PLXNA1: variants seen among roughly 807,000 people sequenced by gnomAD.
PLXNA1 encodes the protein plexin A1.
PLXNA1 carries 77 observed loss-of-function variants against 191.7 expected under a neutral mutation model. The ratio of observed to expected loss-of-function variants is 0.40; its 90% CI spans 0.33 to 0.49. PLXNA1 has a LOEUF of 0.49. Ranked by LOEUF, PLXNA1 falls within the 20% of genes least tolerant of loss-of-function variation. The pLI, the probability that PLXNA1 is intolerant of heterozygous loss-of-function variation, is 0.63. For synonymous variants in PLXNA1, 1,137 were observed against 1,156.4 expected (o/e 0.98, Z 0.34); for missense variants, 2,110 against 2,660.2 (o/e 0.79, Z 4.55).
At chr3:127,009,582 C>T (rs1390481301) in intron 9 of PLXNA1, among the ~76,000 whole-genome samples, 1 of 147,020 alleles carries the variant, frequency 6.8e-6, no homozygotes, top group Middle Eastern at 3.2e-3. Flanking sequence ...GCCCTCTTTC[C>T]GTCTCTGTTT....
In PLXNA1 at chr3:127,021,988, C is replaced by T. The variant is rs540663919; in HGVS notation, c.4039-97C>T. The T allele has an allele frequency of 2.2e-5, 33 of 1,514,184 alleles. 1 individual carries two copies. In the South Asian group the frequency reaches 3.9e-4, roughly 18 times the overall value. 93.8% of individuals were successfully genotyped at this position (1,514,184 alleles called of 1,614,324 possible). A position where few individuals can be genotyped will look rare whatever the true frequency, so the allele number is the denominator to read the frequency against. ...TCCAGGCCTGTCCTCTGATGGGGCCCTGCCTCACCAGCCAGGCCTGGACAG... is the reference window on the plus strand; with the variant it reads ...TCCAGGCCTGTCCTCTGATGGGGCCTTGCCTCACCAGCCAGGCCTGGACAG... On this transcript the variant is annotated intron_variant, in intron 21 of 31. Transcript: ENST00000393409.
chr3:127,033,108 G>C (rs79108849), intron 31 of PLXNA1, among the ~76,000 whole-genome samples: 6,040 of 152,306 alleles, frequency 0.04, 210 homozygotes, highest in African/African-American at 0.09. Context: ...TGAGGCAGAG[G>C]GTGTGTGGGT....
intron 29 of PLXNA1, 112 bp downstream of exon 29, chr3:127,030,524 G>A (rs1576692928): frequency 1.5e-6 from 2 of 1,330,864 alleles, no homozygotes; most frequent in Non-Finnish European, 2.1e-6. Flanking sequence ...CCTGGCGTGG[G>A]GACACAACCC....
Position 127,032,780 on chromosome 3 carries a change from A to G in PLXNA1, c.5539A>G (p.Asn1847Asp). The change falls in exon 31 of 32, where the codon AAC becomes GAC. Residue 1847 changes from asparagine to aspartate, a missense_variant. Asn to Asp is a conservative substitution (Grantham distance 23). This residue lies in a region of PLXNA1 where 559 missense variants were observed against 911.5 expected (regional missense o/e 0.61). Transcript: ENST00000393409. The part of the protein sequence containing the change: ...EQSRLHLSQF[N>D]SMSALHEIYS... ...GTCCCGCCTGCACCTGAGCCAGTTC[A>G]ACAGCATGAGCGCCTTGCACGAGAT... is the stretch of plus-strand genomic sequence containing the variant. 1 of 1,607,508 alleles carries G rather than the reference A, an allele frequency of 6.2e-7. No homozygotes were observed. The highest frequency in any genetic ancestry group is 8.5e-7 in the Non-Finnish European group (1 of 1,177,450).
At chr3:127,022,430 G>C (rs2079156564) in intron 22 of PLXNA1, 89 bp downstream of exon 22, 4 of 1,503,752 alleles carry the variant, frequency 2.7e-6, no homozygotes, top group Non-Finnish European at 3.6e-6. Context: ...AGACGTTGCT[G>C]TGGCAGTTCC....
chr3:126,989,242 G>C lies in PLXNA1; in HGVS notation c.649G>C (p.Gly217Arg). Reference protein sequence around the residue: ...MANEEDADMFGFVYQDEFVSS... With the variant: ...MANEEDADMFRFVYQDEFVSS... ...CAACGAGGAGGATGCCGACATGTTC[G>C]GCTTCGTGTACCAGGATGAGTTTGT... is the stretch of plus-strand genomic sequence containing the variant. The change falls in exon 2 of 32, where the codon GGC (glycine) becomes CGC (arginine). Residue 217 changes from glycine (G) to arginine (R), a missense_variant. By Grantham distance (125) the Gly-to-Arg change is moderately radical. Coordinates refer to ENST00000393409, the MANE Select transcript of PLXNA1 (RefSeq NM_032242.4). 1 of 1,613,662 alleles carries C rather than the reference G, an allele frequency of 6.2e-7. No individual in the cohort carries two copies. Among genetic ancestry groups the C allele is most frequent in the Non-Finnish European group, 8.5e-7 (1 of 1,180,042 alleles).
In PLXNA1 at chr3:127,034,003, G is replaced by C; in HGVS notation, c.5677G>C (p.Ala1893Pro). Residue 1893 changes from alanine to proline, a missense_variant, in exon 32 of 32, where the codon GCC becomes CCC. Transcript: ENST00000393409. ...GCTGGAGCAGGTGGTGGACACGATGGCCCTGAGCAGCTGAGCCCCAGCTGT... is the reference window on the plus strand; with the variant it reads ...GCTGGAGCAGGTGGTGGACACGATGCCCCTGAGCAGCTGAGCCCCAGCTGT... ...SKLEQVVDTMALSS is the reference protein window; with the variant it reads ...SKLEQVVDTMPLSS 6.2e-7 allele frequency: 1 copy of C among 1,601,204 alleles called. No homozygotes were observed. The highest frequency in any genetic ancestry group is 2.3e-5 in the East Asian group (1 of 44,396).
chr3:127,004,787 G>T, intron 5 of PLXNA1, 76 bp downstream of exon 5: 1 of 1,593,984 alleles, frequency 6.3e-7, no homozygotes, highest in Non-Finnish European at 8.6e-7. Flanking sequence ...GGAGCCTGGT[G>T]CAGGGCAAGC....
chr3:126,986,897 C>T (rs1039897935), intron 1 of PLXNA1, among the ~76,000 whole-genome samples: 1 of 152,344 alleles, frequency 6.6e-6, no homozygotes. Flanking sequence ...CAGGCCTCAG[C>T]TTCCCCATCT....
chr3:127,010,781 T>G (rs1324181004), intron 9 of PLXNA1, among the ~76,000 whole-genome samples: 2 of 152,202 alleles, frequency 1.3e-5, no homozygotes, highest in African/African-American at 4.8e-5. Flanking sequence ...TTTCCTGAAC[T>G]TACGGGCACC....
At position 127,029,542 on chromosome 3, in the gene PLXNA1, G is replaced by A. The variant is rs762171149; in HGVS notation, c.4870+6G>A. 1 of 1,613,372 alleles carries A rather than the reference G, an allele frequency of 6.2e-7. No homozygotes were observed. Among genetic ancestry groups the A allele is most frequent in the South Asian group, 1.1e-5 (1 of 91,080 alleles). On this transcript the variant is annotated splice_donor_region_variant and intron_variant, in intron 27 of 31. Transcript: ENST00000393409. Reference sequence around the variant, plus strand: ...CAAGTCCCTCAGCAGATACGGTGAGGGGCCAGGCAGCGGGCGAGAGGGCAG... The same window carrying A: ...CAAGTCCCTCAGCAGATACGGTGAGAGGCCAGGCAGCGGGCGAGAGGGCAG...
At chr3:126,998,154 G>A (rs973160226) in intron 3 of PLXNA1, among the ~76,000 whole-genome samples, 2 of 152,230 alleles carry the variant, frequency 1.3e-5, no homozygotes, top group East Asian at 1.9e-4. Flanking sequence ...CCCCGTGGAT[G>A]CTGGGAAGCG....
chr3:127,022,648 AG>A, intron 22 of PLXNA1, 103 bp from the exon 23 acceptor site: 3 of 797,336 alleles, frequency 3.8e-6, no homozygotes, highest in Non-Finnish European at 4.0e-6. Context: ...TGCTGTAGGA[AG>A]GGGGGCAGGG....
Position 126,989,178 on chromosome 3 carries a change from C to T in PLXNA1, c.585C>T (p.Ser195=), listed in dbSNP as rs779765951. 3.0e-5 allele frequency: 49 copies of T among 1,613,410 alleles called. No homozygotes were observed. The highest frequency in any genetic ancestry group is 3.8e-5 in the Non-Finnish European group (45 of 1,180,062). The part of the protein sequence containing the change: ...LFVGTPIDGK[S]EYFPTLSSRR... ...TGGGCACACCCATCGATGGCAAGTC[C>T]GAGTACTTCCCCACACTGTCCAGCC... Residue 195 remains serine (S), a synonymous_variant, in exon 2 of 32, where the codon TCC becomes TCT. Coordinates refer to ENST00000393409, the MANE Select transcript of PLXNA1 (RefSeq NM_032242.4).
At chr3:127,020,077 C>T (rs2079144870) in intron 20 of PLXNA1, 125 bp from the exon 21 acceptor site, 1 of 1,234,390 alleles carries the variant, frequency 8.1e-7, no homozygotes, top group Non-Finnish European at 1.1e-6. Flanking sequence ...ACAGTAGTTT[C>T]CTTAAGATCA....
Position 127,014,129 on chromosome 3 carries a change from C to T in PLXNA1, c.2410+13C>T. On this transcript the variant is annotated intron_variant, in intron 11 of 31. Coordinates refer to ENST00000393409, the MANE Select transcript of PLXNA1 (RefSeq NM_032242.4). ...CAGAACATCCAGGGTGAGTGGGCGC[C>T]CCGGCGGGGTGGGCAGTGGGCGGGC... is the stretch of plus-strand genomic sequence containing the variant. 1.2e-6 allele frequency: 2 copies of T among 1,613,424 alleles called. No individual in the cohort carries two copies. Among genetic ancestry groups the T allele is most frequent in the Non-Finnish European group, 1.7e-6 (2 of 1,179,822 alleles).
In PLXNA1 at chr3:127,022,237, G is replaced by A; in HGVS notation, c.4191G>A (p.Leu1397=). 6.2e-7 allele frequency: 1 copy of A among 1,613,480 alleles called. No individual in the cohort carries two copies. Among genetic ancestry groups the A allele is most frequent in the South Asian group, 1.1e-5 (1 of 91,076 alleles). ...GNVASLIMTA[L]QGEMEYATGV... ...TGGCCTCGCTCATCATGACGGCCCT[G>A]CAGGGCGAGATGGAATACGCCACAG... Residue 1397 remains leucine (L), a synonymous_variant, in exon 22 of 32, where the codon CTG becomes CTA. Transcript: ENST00000393409.
Position 127,014,056 on chromosome 3 carries a change from G to T in PLXNA1, c.2350G>T (p.Val784Leu). The T allele has an allele frequency of 1.2e-6, 2 of 1,614,010 alleles. No homozygotes were observed. Among genetic ancestry groups the T allele is most frequent in the Non-Finnish European group, 1.7e-6 (2 of 1,179,990 alleles). ...YEGNDVSDLPVNLSVVWNGNF... is the reference protein window; with the variant it reads ...YEGNDVSDLPLNLSVVWNGNF... ...GGGGAACGATGTCAGCGACCTGCCAGTGAACCTGTCAGTCGTGTGGAACGG... is the reference window on the plus strand; with the variant it reads ...GGGGAACGATGTCAGCGACCTGCCATTGAACCTGTCAGTCGTGTGGAACGG... The change falls in exon 11 of 32, where the codon GTG (valine) becomes TTG (leucine). Residue 784 changes from valine (V) to leucine (L), a missense_variant. Physicochemically the swap from Val to Leu is conservative, Grantham distance 32. Coordinates refer to ENST00000393409, the MANE Select transcript of PLXNA1 (RefSeq NM_032242.4).
intron 1 of PLXNA1, 26 bp from the exon 2 acceptor site, chr3:126,988,495 C>T: frequency 9.4e-7 from 1 of 1,061,002 alleles, no homozygotes; most frequent in Non-Finnish European, 1.3e-6. Flanking sequence ...CCTGCATTCA[C>T]ATGCCCTCTT....
Sources: allele counts gnomAD v4.1 joint callset (sites outside exome capture counted in the v4.1 genomes callset), GRCh38; gene constraint gnomAD v4.1.1; regional missense constraint gnomAD v4.1.1; transcripts MANE v1.5; gene names NCBI Gene and HGNC (gene_info 2026-07-23, HGNC 2026-07-21).